SPEF2: variants seen among roughly 807,000 people sequenced by gnomAD.
SPEF2 encodes the protein sperm flagellar and cilia associated 2, also known as sperm flagella and cilia-associated protein 2.
Under a neutral mutation model 224.6 loss-of-function variants are expected in SPEF2, and 187 were observed. The ratio of observed to expected loss-of-function variants is 0.83; its 90% CI spans 0.74 to 0.94. The LOEUF (loss-of-function observed/expected upper bound fraction) is 0.94, where lower values mean the gene tolerates loss of function less well. SPEF2 is among the 40% of genes least tolerant of loss of function. The pLI, the probability that SPEF2 is intolerant of heterozygous loss-of-function variation, is 0.00. For synonymous variants in SPEF2, 715 were observed against 707.3 expected (o/e 1.01, Z -0.17); for missense variants, 2,170 against 2,135.6 (o/e 1.02, Z -0.32).
At position 35,759,638 on chromosome 5, in the gene SPEF2, T is replaced by C; in HGVS notation, c.3539T>C (p.Ile1180Thr). Residue 1180 changes from isoleucine to threonine, a missense_variant, in exon 25 of 37, where the codon ATC (isoleucine) becomes ACC (threonine). Coordinates refer to ENST00000356031, the MANE Select transcript of SPEF2 (RefSeq NM_024867.4). Reference sequence around the variant, plus strand: ...TATTACTGGGGAATGGAAAGTAAAATCCCAGTAGAGGACAACAAGAGATTT... The same window carrying C: ...TATTACTGGGGAATGGAAAGTAAAACCCCAGTAGAGGACAACAAGAGATTT... ...QDYYWGMESK[I>T]PVEDNKRFTR... is the part of the protein sequence containing the mutation. 1 of 1,612,124 alleles carries C rather than the reference T, an allele frequency of 6.2e-7. No homozygotes were observed. Among genetic ancestry groups the C allele is most frequent in the Non-Finnish European group, 8.5e-7 (1 of 1,178,684 alleles).
chr5:35,751,012 C>G (rs1281152945), intron 23 of SPEF2, among the ~76,000 whole-genome samples: 1 of 95,686 alleles, frequency 1.0e-5, no homozygotes, highest in South Asian at 3.9e-4. Flanking sequence ...TATATATATA[C>G]GTATATATAT....
chr5:35,790,269 A>T, intron 30 of SPEF2: 1 of 628,370 alleles, frequency 1.6e-6, no homozygotes, highest in Non-Finnish European at 2.9e-6. Context: ...TTTTGACCCT[A>T]GGAAAGCTAT....
At chr5:35,782,628 A>T (rs1375251832) in intron 30 of SPEF2, among the ~76,000 whole-genome samples, 2 of 152,102 alleles carry the variant, frequency 1.3e-5, no homozygotes, top group Non-Finnish European at 2.9e-5. Flanking sequence ...CTTTGATTAG[A>T]ACAATGACTG....
chr5:35,706,408 A>C (rs1031483026), intron 18 of SPEF2, among the ~76,000 whole-genome samples: 1 of 151,976 alleles, frequency 6.6e-6, no homozygotes. Context: ...CATTCAACCA[A>C]TGATAATTGC....
rs1222135677 is a variant in SPEF2 at position 35,751,043 on chromosome 5, G to A, written c.3331-2581G>A. 2.1e-3 allele frequency among the ~76,000 whole-genome samples: 57 copies of A among 27,664 alleles called. 1 individual carries two copies. Among genetic ancestry groups the A allele is most frequent in the African/African-American group, 4.3e-3 (39 of 9,042 alleles). The allele number at this position is 27,664 out of a possible 152,430, so 18.1% of individuals were successfully genotyped here. A position where few individuals can be genotyped will look rare whatever the true frequency, so the allele number is the denominator to read the frequency against. On this transcript the variant is annotated intron_variant, in intron 23 of 36. Coordinates refer to ENST00000356031, the MANE Select transcript of SPEF2 (RefSeq NM_024867.4). ...TATATACGTATATATATACACATAT[G>A]TATATATATATACGTATATATATGT...
In SPEF2 at chr5:35,806,725, G is replaced by C. The variant is rs773798927; in HGVS notation, c.5029G>C (p.Gly1677Arg). 5.0e-6 allele frequency: 8 copies of C among 1,613,590 alleles called. No individual in the cohort carries two copies. The Middle Eastern group carries it at 4.9e-4, about 100-fold the overall frequency. ...TTTGCAGACCTCCTCAACTGATGCAGGTCCAGCTGAGGAATTTCCTGAACC... is the reference window on the plus strand; with the variant it reads ...TTTGCAGACCTCCTCAACTGATGCACGTCCAGCTGAGGAATTTCCTGAACC... ...SAEKTSSTDA[G>R]PAEEFPEPEE... The change falls in exon 35 of 37, where the codon GGT (glycine) becomes CGT (arginine). Residue 1677 changes from glycine to arginine, a missense_variant. By Grantham distance (125) the Gly-to-Arg change is moderately radical. Transcript: ENST00000356031.
At chr5:35,796,477 T>A (rs1256568810) in intron 33 of SPEF2, among the ~76,000 whole-genome samples, 1 of 151,868 alleles carries the variant, frequency 6.6e-6, no homozygotes, top group Non-Finnish European at 1.5e-5. Context: ...CCGGGTGCAG[T>A]GGCGGGCGCC....
At chr5:35,735,025 A>G (rs570844858) in intron 21 of SPEF2, among the ~76,000 whole-genome samples, 17 of 152,052 alleles carry the variant, frequency 1.1e-4, no homozygotes, top group Non-Finnish European at 2.2e-4. Flanking sequence ...TTGCTTTTTT[A>G]TTGGCTAATT....
Position 35,751,056 on chromosome 5 carries a change from CGTATATATATGTATAT to C in SPEF2, c.3331-2567_3331-2552del, listed in dbSNP as rs1749469224. On this transcript the variant is annotated intron_variant, in intron 23 of 36. Transcript: ENST00000356031. The stretch of plus-strand genomic sequence containing the variant: ...ATATACACATATGTATATATATATA[CGTATATATATGTATAT>C]ATATATACACACACACACACACACA... Among the ~76,000 whole-genome samples the C allele has an allele frequency of 1.4e-4, 4 of 28,606 alleles. 1 individual carries two copies. Among genetic ancestry groups the C allele is most frequent in the African/African-American group, 3.7e-4 (4 of 10,956 alleles). 18.8% of individuals were successfully genotyped at this position (28,606 alleles called of 152,430 possible). A position where few individuals can be genotyped will look rare whatever the true frequency, so the allele number is the denominator to read the frequency against.
At chr5:35,670,431 C>G in intron 10 of SPEF2, 1 of 1,208,874 alleles carries the variant, frequency 8.3e-7, no homozygotes, top group Non-Finnish European at 1.0e-6. Context: ...TCCTAGTAAT[C>G]TTAGGGGAGT....
chr5:35,662,219 GTCT>G (rs1386213387), intron 8 of SPEF2, among the ~76,000 whole-genome samples: 6 of 152,072 alleles, frequency 3.9e-5, no homozygotes, highest in African/African-American at 1.4e-4. Context: ...CCATTTGTAT[GTCT>G]TCTTTTGAAA....
intron 34 of SPEF2, among the ~76,000 whole-genome samples, chr5:35,805,400 A>G (rs1026032947): frequency 1.3e-5 from 2 of 152,168 alleles, no homozygotes; most frequent in African/African-American, 4.8e-5. Flanking sequence ...CCTTCCATAC[A>G]TGAGATTTAC....
chr5:35,644,590 A>G, intron 4 of SPEF2, 65 bp downstream of exon 4: 3 of 1,262,658 alleles, frequency 2.4e-6, no homozygotes, highest in South Asian at 3.4e-5. Context: ...ATTTATGCGT[A>G]TAGTACACAT....
intron 2 of SPEF2, among the ~76,000 whole-genome samples, chr5:35,638,614 A>C (rs1746163002): frequency 6.6e-6 from 1 of 152,016 alleles, no homozygotes; most frequent in African/African-American, 2.4e-5. Context: ...TTCTAATAAA[A>C]CTTTGGACAT....
At chr5:35,782,301 A>G (rs928773733) in intron 30 of SPEF2, among the ~76,000 whole-genome samples, 1 of 152,202 alleles carries the variant, frequency 6.6e-6, no homozygotes, top group African/African-American at 2.4e-5. Flanking sequence ...CAAATGTGTG[A>G]TCCTGCAGAA....
chr5:35,704,545 A>T lies in SPEF2; in HGVS notation c.2399-9A>T. The T allele has an allele frequency of 6.3e-7, 1 of 1,582,296 alleles. No homozygotes were observed. Among genetic ancestry groups the T allele is most frequent in the Non-Finnish European group, 8.6e-7 (1 of 1,162,544 alleles). ...AAAATTATCTAATTAAATAAATTTT[A>T]TACCATAGCTGAAGAATTGTCCTAT... On this transcript the variant is annotated splice_polypyrimidine_tract_variant and intron_variant, in intron 16 of 36. Transcript: ENST00000356031.
intron 34 of SPEF2, among the ~76,000 whole-genome samples, chr5:35,801,852 G>C (rs1243541761): frequency 6.6e-6 from 1 of 152,220 alleles, no homozygotes; most frequent in Non-Finnish European, 1.5e-5. Flanking sequence ...TTGGTGGGGA[G>C]GAGGCATCTG....
At chr5:35,676,763 A>G (rs572550220) in intron 10 of SPEF2, among the ~76,000 whole-genome samples, 35 of 152,272 alleles carry the variant, frequency 2.3e-4, no homozygotes, top group African/African-American at 7.9e-4. Flanking sequence ...GCTATGTCTT[A>G]ACAGATAAAT....
chr5:35,797,126 TC>T (rs1298125101), intron 33 of SPEF2, among the ~76,000 whole-genome samples: 1 of 152,178 alleles, frequency 6.6e-6, no homozygotes, highest in Non-Finnish European at 1.5e-5. Context: ...TTTAGAAATG[TC>T]AATCAAAGGC....
Sources: allele counts gnomAD v4.1 joint callset (sites outside exome capture counted in the v4.1 genomes callset), GRCh38; gene constraint gnomAD v4.1.1; transcripts MANE v1.5; gene names NCBI Gene and HGNC (gene_info 2026-07-23, HGNC 2026-07-21).